Variants in ELF2 observed in about 807,000 individuals in gnomAD.
The protein encoded by ELF2 is E74 like ETS transcription factor 2.
ELF2 carries 11 observed loss-of-function variants against 54.8 expected under a neutral mutation model. The ratio of observed to expected loss-of-function variants is 0.20; its 90% CI spans 0.13 to 0.33. The LOEUF is 0.33. Ranked by LOEUF, ELF2 falls within the 10% of genes least tolerant of loss-of-function variation. The probability of loss-of-function intolerance (pLI) is 1.00; values close to 1 mark genes in which losing one functional copy is unlikely to be tolerated. For missense variants in ELF2, 513 were observed against 703.0 expected, an observed-to-expected ratio of 0.73 and a Z score of 3.06; for synonymous variants, 203 against 245.1, an observed-to-expected ratio of 0.83 and a Z score of 1.61.
intron 1 of ELF2, among the ~76,000 whole-genome samples, chr4:139,161,718 C>T (rs1578965274): frequency 2.1e-5 from 3 of 145,532 alleles, no homozygotes; most frequent in African/African-American, 5.1e-5. Flanking sequence ...GGCCTGTAAA[C>T]CCAGCACTTT....
intron 1 of ELF2, among the ~76,000 whole-genome samples, chr4:139,168,895 GA>G (rs1360668616): frequency 6.6e-6 from 1 of 152,092 alleles, no homozygotes; most frequent in Non-Finnish European, 1.5e-5. Flanking sequence ...TCAAAAGGGG[GA>G]AAAGTGAAAG....
chr4:139,093,329 A>G (rs1732887305), intron 4 of ELF2, among the ~76,000 whole-genome samples: 1 of 152,212 alleles, frequency 6.6e-6, no homozygotes, highest in South Asian at 2.1e-4. Flanking sequence ...AAACAAACAA[A>G]CCAACAAAAA....
chr4:139,076,142 A>G (rs1010734427), intron 4 of ELF2, among the ~76,000 whole-genome samples: 13 of 152,278 alleles, frequency 8.5e-5, no homozygotes, highest in Middle Eastern at 6.8e-3. Flanking sequence ...TAAAAATCCA[A>G]TGACTGTTTT....
At position 139,173,539 on chromosome 4, in the gene ELF2, A is replaced by C. The variant is rs532358524; in HGVS notation, c.-252+3428T>G. 4.0e-5 allele frequency among the ~76,000 whole-genome samples: 6 copies of C among 151,428 alleles called. No homozygotes were observed. In the East Asian group the frequency reaches 1.2e-3, roughly 30 times the overall value. ...TTTGGGAGGCCGAGGCAGGCGGATC[A>C]TGAGGTCAGGAGATCAAGACCATCC... On this transcript the variant is annotated intron_variant, in intron 1 of 9. Coordinates refer to ENST00000686138, the MANE Select transcript of ELF2 (RefSeq NM_001331036.3).
At chr4:139,131,946 G>A (rs1211174374) in intron 3 of ELF2, among the ~76,000 whole-genome samples, 3 of 152,140 alleles carry the variant, frequency 2.0e-5, no homozygotes, top group Non-Finnish European at 1.5e-5. Flanking sequence ...AAGAGGGGGT[G>A]GAAGGAGGAG....
rs566111078 is a variant in ELF2 at position 139,171,862 on chromosome 4, T to C, written c.-252+5105A>G. On this transcript the variant is annotated intron_variant, in intron 1 of 9. Coordinates refer to ENST00000686138, the MANE Select transcript of ELF2 (RefSeq NM_001331036.3). Reference sequence around the variant, plus strand: ...TTGCTTGAACCCAGGAGAGAGAGGTTGCAGTGAGCTGAGATTGCACTACTG... The same window carrying C: ...TTGCTTGAACCCAGGAGAGAGAGGTCGCAGTGAGCTGAGATTGCACTACTG... Among the ~76,000 whole-genome samples the C allele has an allele frequency of 7.9e-5, 12 of 152,264 alleles. No individual in the cohort carries two copies. The East Asian group carries it at 2.1e-3, about 27-fold the overall frequency.
At chr4:139,084,458 G>T (rs1313963782) in intron 4 of ELF2, 1 of 1,152,682 alleles carries the variant, frequency 8.7e-7, no homozygotes, top group African/African-American at 1.7e-5. Flanking sequence ...GGCGGCGGCG[G>T]CGGCTGTGGC....
chr4:139,132,496 T>C (rs1380646927), intron 3 of ELF2, among the ~76,000 whole-genome samples: 5 of 152,156 alleles, frequency 3.3e-5, no homozygotes, highest in Non-Finnish European at 7.4e-5. Context: ...GATCTATCCC[T>C]ATAGATTTCT....
intron 1 of ELF2, among the ~76,000 whole-genome samples, chr4:139,176,412 C>G (rs1244655710): frequency 6.6e-6 from 1 of 151,840 alleles, no homozygotes; most frequent in African/African-American, 2.4e-5. Context: ...CCCCCGCCTG[C>G]CCGCCACCCA....
chr4:139,103,718 T>C (rs553697432), intron 4 of ELF2, among the ~76,000 whole-genome samples: 72 of 152,328 alleles, frequency 4.7e-4, no homozygotes, highest in African/African-American at 1.7e-3. Flanking sequence ...CAGAACTGAA[T>C]TGAATTAGAG....
At chr4:139,091,116 G>A (rs1185593017) in intron 4 of ELF2, among the ~76,000 whole-genome samples, 2 of 152,072 alleles carry the variant, frequency 1.3e-5, no homozygotes, top group African/African-American at 4.8e-5. Flanking sequence ...TGTACTTCTA[G>A]TAGAGACAGG....
chr4:139,152,942 C>T (rs1185796994), intron 1 of ELF2, among the ~76,000 whole-genome samples: 1 of 136,118 alleles, frequency 7.3e-6, no homozygotes, highest in East Asian at 2.1e-4. Flanking sequence ...GTCGCCCAGG[C>T]TGAAGTGCAG....
At chr4:139,159,263 G>C (rs531212756) in intron 1 of ELF2, among the ~76,000 whole-genome samples, 1 of 152,144 alleles carries the variant, frequency 6.6e-6, no homozygotes, top group Admixed American at 6.6e-5. Context: ...ATAGCAGATG[G>C]AACACTGAAC....
At chr4:139,101,865 G>A (rs1378501108) in intron 4 of ELF2, 1 of 151,748 alleles carries the variant, frequency 6.6e-6, no homozygotes, top group Non-Finnish European at 1.5e-5. Context: ...TGTAATATTA[G>A]CAATGGAATT....
intron 4 of ELF2, chr4:139,100,681 T>C (rs1733792209): frequency 6.6e-6 from 1 of 152,208 alleles, no homozygotes; most frequent in Non-Finnish European, 1.5e-5. Flanking sequence ...TTTTTTTAAC[T>C]GCATCCATTG....
chr4:139,102,346 C>A (rs1191487096), intron 4 of ELF2: 1 of 145,668 alleles, frequency 6.9e-6, no homozygotes, highest in African/African-American at 2.5e-5. Context: ...CACAGTGAAA[C>A]CCGGTCTCTA....
chr4:139,115,169 G>T, intron 4 of ELF2: 1 of 1,612,674 alleles, frequency 6.2e-7, no homozygotes, highest in Non-Finnish European at 8.5e-7. Context: ...TCTAGGTTGA[G>T]GCGCTTCCGT....
At chr4:139,131,904 T>C (rs948393109) in intron 3 of ELF2, among the ~76,000 whole-genome samples, 9 of 151,942 alleles carry the variant, frequency 5.9e-5, no homozygotes, top group African/African-American at 2.2e-4. Context: ...TAGAGCTATA[T>C]ACTGGCATGG....
chr4:139,122,646 C>T (rs1258264005), intron 4 of ELF2, among the ~76,000 whole-genome samples: 20 of 151,852 alleles, frequency 1.3e-4, no homozygotes, highest in African/African-American at 3.6e-4. Context: ...GGACTACAGA[C>T]GCATGCCACC....
Sources: gnomAD v4.1 joint callset for allele counts (sites outside exome capture counted in the v4.1 genomes callset) on GRCh38, gnomAD v4.1.1 for gene constraint, MANE v1.5 for transcripts, NCBI Gene and HGNC (gene_info 2026-07-23, HGNC 2026-07-21) for gene names.